Variants in CPZ observed in about 807,000 individuals in gnomAD.
CPZ encodes VEZT/CPZ fusion.
In CPZ, 103 loss-of-function variants were observed where a neutral mutation model predicts 61.8. The observed-to-expected ratio is 1.67, with a 90% CI of 1.42 to 1.96. The LOEUF (loss-of-function observed/expected upper bound fraction) is 1.96. Among genes scored for constraint, CPZ ranks in the 30% most tolerant of loss-of-function variants. The pLI is 0.00. For missense variants in CPZ, 1,461 were observed against 914.9 expected (o/e 1.60, Z -7.70); for synonymous variants, 551 against 373.7 (o/e 1.47, Z -5.47).
chr4:8,593,960 C>T (rs1713984855), intron 1 of CPZ, among the ~76,000 whole-genome samples: 1 of 152,086 alleles, frequency 6.6e-6, no homozygotes, highest in Non-Finnish European at 1.5e-5. Context: ...TCCCCTTGGC[C>T]CCTGAGAGCC....
intron 4 of CPZ, among the ~76,000 whole-genome samples, chr4:8,605,387 CCCATTCATTCAT>C (rs904539140): frequency 4.3e-5 from 6 of 138,174 alleles, no homozygotes; most frequent in African/African-American, 1.7e-4. Context: ...CCATCATCCA[CCCATTCATTCAT>C]ACATCCATGC....
At position 8,606,032 on chromosome 4, in the gene CPZ, G is replaced by A. The variant is rs1206267301; in HGVS notation, c.753G>A (p.Glu251=). The change falls in exon 5 of 11, where the codon GAG becomes GAA. Residue 251 remains glutamate (E), a synonymous_variant. Coordinates refer to ENST00000360986, the MANE Select transcript of CPZ (RefSeq NM_001014447.3). ...TCATCGGCAACATTCATGGCAACGA[G>A]GTGGCGGGCCGGGAGATGCTCATCT... ...VKLIGNIHGN[E]VAGREMLIYL... The A allele has an allele frequency of 1.3e-5, 21 of 1,614,026 alleles. No individual in the cohort carries two copies. The highest frequency in any genetic ancestry group is 1.6e-5 in the Non-Finnish European group (19 of 1,179,980).
At chr4:8,610,206 C>G (rs889912116) in intron 7 of CPZ, among the ~76,000 whole-genome samples, 2 of 152,212 alleles carry the variant, frequency 1.3e-5, no homozygotes, top group Non-Finnish European at 2.9e-5. Context: ...TTCCCTGCTC[C>G]CGCCTGGTTT....
At chr4:8,604,508 T>G (rs1714798282) in intron 4 of CPZ, among the ~76,000 whole-genome samples, 1 of 152,156 alleles carries the variant, frequency 6.6e-6, no homozygotes, top group Non-Finnish European at 1.5e-5. Flanking sequence ...TGAGACAGAG[T>G]TTTGCTCTTG....
chr4:8,605,840 A>G, intron 4 of CPZ, 149 bp from the exon 5 acceptor site: 5 of 712,302 alleles, frequency 7.0e-6, no homozygotes, highest in Middle Eastern at 2.6e-4. Flanking sequence ...GACCTTGATG[A>G]GACCTCATTA....
intron 2 of CPZ, 169 bp from the exon 3 acceptor site, chr4:8,600,954 C>T: frequency 1.5e-6 from 2 of 1,368,366 alleles, no homozygotes; most frequent in Admixed American, 3.4e-5. Flanking sequence ...TGGTCTCTCA[C>T]AGGCTCTGAT....
At position 8,614,511 on chromosome 4, in the gene CPZ, G is replaced by T. The variant is rs199812768; in HGVS notation, c.1503+13G>T. 140 of 1,611,594 alleles carry T rather than the reference G, an allele frequency of 8.7e-5. No homozygotes were observed. The highest frequency in any genetic ancestry group is 1.1e-4 in the Non-Finnish European group (128 of 1,178,726). Reference sequence around the variant, plus strand: ...TTTCGTGGAGACGGTGAGTTCTGACGGTCTCAGGGCTCTGGTCCAGCTGTG... The same window carrying T: ...TTTCGTGGAGACGGTGAGTTCTGACTGTCTCAGGGCTCTGGTCCAGCTGTG... On this transcript the variant is annotated intron_variant, in intron 9 of 10. Coordinates refer to ENST00000360986, the MANE Select transcript of CPZ (RefSeq NM_001014447.3).
intron 8 of CPZ, among the ~76,000 whole-genome samples, chr4:8,614,021 T>C (rs903001766): frequency 2.0e-5 from 3 of 152,180 alleles, no homozygotes; most frequent in African/African-American, 4.8e-5. Flanking sequence ...CCTGTGGACT[T>C]TGCCGCCAAG....
chr4:8,604,209 C>T, intron 4 of CPZ, 21 bp downstream of exon 4: 1 of 1,509,956 alleles, frequency 6.6e-7, no homozygotes, highest in Non-Finnish European at 8.9e-7. Context: ...TTGGGAGAGC[C>T]TGGCCTGGCC....
In CPZ at chr4:8,617,235, C is replaced by A. The variant is rs545570592; in HGVS notation, c.1504-1194C>A. On this transcript the variant is annotated intron_variant, in intron 9 of 10. Transcript: ENST00000360986. ...GCTGAAATCATCGGTCCTGCAGAAGCCAGAGCTGCTTTGGCCTCATGAACA... is the reference window on the plus strand; with the variant it reads ...GCTGAAATCATCGGTCCTGCAGAAGACAGAGCTGCTTTGGCCTCATGAACA... 1.8e-4 allele frequency among the ~76,000 whole-genome samples: 27 copies of A among 152,366 alleles called. No homozygotes were observed. In the East Asian group the frequency reaches 5.2e-3, roughly 29 times the overall value.
intron 7 of CPZ, chr4:8,611,224 G>C: frequency 2.2e-6 from 1 of 456,274 alleles, no homozygotes; most frequent in Non-Finnish European, 4.4e-6. Flanking sequence ...AGCTCATGCA[G>C]GGTGAGCCCT....
intron 4 of CPZ, 60 bp from the exon 5 acceptor site, chr4:8,605,929 C>G: frequency 6.4e-7 from 1 of 1,551,338 alleles, no homozygotes; most frequent in Non-Finnish European, 8.8e-7. Flanking sequence ...GGGGGGGCCT[C>G]ATGCCTTTGG....
Position 8,612,111 on chromosome 4 carries a change from C to T in CPZ, c.1312C>T (p.Leu438=). 1 of 1,609,252 alleles carries T rather than the reference C, an allele frequency of 6.2e-7. No individual in the cohort carries two copies. Among genetic ancestry groups the T allele is most frequent in the East Asian group, 2.3e-5 (1 of 44,360 alleles). ...GGAGAATAGGTGTGGAGGCAATTTC[C>T]TGAAGAGGGGGAGCATCATCAACGG... ...RSENRCGGNF[L]KRGSIINGAD... Residue 438 remains leucine, a synonymous_variant, in exon 8 of 11, where the codon CTG becomes TTG. Transcript: ENST00000360986.
chr4:8,609,208 TTAC>T (rs1285734693), intron 7 of CPZ, among the ~76,000 whole-genome samples: 53 of 73,246 alleles, frequency 7.2e-4, no homozygotes, highest in African/African-American at 2.1e-3. Flanking sequence ...CCTCACTCAC[TTAC>T]TCATTCACTT....
chr4:8,595,195 CAT>C (rs1332205240), intron 1 of CPZ, among the ~76,000 whole-genome samples: 1 of 152,258 alleles, frequency 6.6e-6, no homozygotes, highest in African/African-American at 2.4e-5. Flanking sequence ...GCATTTCACA[CAT>C]CGCACACATT....
intron 7 of CPZ, among the ~76,000 whole-genome samples, chr4:8,609,182 A>T (rs566706673): frequency 1.0e-5 from 1 of 100,286 alleles, no homozygotes; most frequent in Admixed American, 1.0e-4. Flanking sequence ...CCATTCACTC[A>T]GGCATTCACT....
intron 7 of CPZ, among the ~76,000 whole-genome samples, chr4:8,608,393 C>T (rs1456420814): frequency 6.6e-6 from 1 of 152,188 alleles, no homozygotes; most frequent in Non-Finnish European, 1.5e-5. Context: ...TGCCGGGCCC[C>T]TCATAACAGC....
At position 8,594,277 on chromosome 4, in the gene CPZ, C is replaced by T. The variant is rs150864623; in HGVS notation, c.88+1356C>T. ...GCCCACAGGCAGAAGTGGGCAGAGC[C>T]GGTCACCTGCAGTGCAGGTCCCCCA... On this transcript the variant is annotated intron_variant, in intron 1 of 10. Transcript: ENST00000360986. Among the ~76,000 whole-genome samples the T allele has an allele frequency of 2.0e-3, 297 of 152,302 alleles. 1 individual carries two copies. The highest frequency in any genetic ancestry group is 6.6e-3 in the African/African-American group (273 of 41,570).
chr4:8,604,327 C>A, intron 4 of CPZ, 139 bp downstream of exon 4: 2 of 720,886 alleles, frequency 2.8e-6, no homozygotes, highest in Non-Finnish European at 4.4e-6. Context: ...TTGGTGCAGG[C>A]CACGTCCCGC....
Sources: allele counts gnomAD v4.1 joint callset (sites outside exome capture counted in the v4.1 genomes callset), GRCh38; gene constraint gnomAD v4.1.1; transcripts MANE v1.5; gene names NCBI Gene and HGNC (gene_info 2026-07-23, HGNC 2026-07-21).